STIM2: variants seen among roughly 807,000 people sequenced by gnomAD.
The protein encoded by STIM2 is stromal interaction molecule 2.
In STIM2, 31 loss-of-function variants were observed where a neutral mutation model predicts 85.8. The observed-to-expected ratio is 0.36, with a 90% CI of 0.27 to 0.49. STIM2 has a LOEUF of 0.49. Among genes scored for constraint, STIM2 ranks in the 20% least tolerant of loss-of-function variants. STIM2 has a pLI of 0.98. For missense variants in STIM2, 841 were observed against 927.6 expected (o/e 0.91, Z 1.21); for synonymous variants, 356 against 331.1 (o/e 1.08, Z -0.82).
chr4:27,019,682 A>AT (rs34654053), intron 11 of STIM2: 156,091 of 323,912 alleles, frequency 0.48, 24,433 homozygotes, highest in Non-Finnish European at 0.52. Flanking sequence ...ATATTTACTG[A>AT]TTTTTTTTTT....
chr4:27,015,142 A>T (rs1008998634), intron 10 of STIM2, among the ~76,000 whole-genome samples: 1 of 151,964 alleles, frequency 6.6e-6, no homozygotes, highest in Non-Finnish European at 1.5e-5. Context: ...ATTTAATCCA[A>T]ATATATTTAC....
intron 2 of STIM2, among the ~76,000 whole-genome samples, chr4:26,934,641 C>T (rs1366972595): frequency 2.0e-5 from 3 of 152,122 alleles, no homozygotes; most frequent in Non-Finnish European, 4.4e-5. Flanking sequence ...AGGCTAGGCG[C>T]GGTGGCTCAT....
At chr4:26,989,155 G>A (rs1197111506) in intron 3 of STIM2, among the ~76,000 whole-genome samples, 4 of 152,090 alleles carry the variant, frequency 2.6e-5, no homozygotes, top group South Asian at 2.1e-4. Flanking sequence ...GGCTGGTCTC[G>A]AACTCCTGTC....
At chr4:27,002,112 T>C in intron 5 of STIM2, 105 bp from the exon 6 acceptor site, 1 of 1,019,924 alleles carries the variant, frequency 9.8e-7, no homozygotes, top group Non-Finnish European at 1.4e-6. Flanking sequence ...GAAAGAGATC[T>C]CCAATTTTTG....
chr4:26,919,527 C>G lies in STIM2; in HGVS notation c.175C>G (p.Pro59Ala), dbSNP rs745586309. 1 of 1,613,472 alleles carries G rather than the reference C, an allele frequency of 6.2e-7. No individual in the cohort carries two copies. Among genetic ancestry groups the G allele is most frequent in the South Asian group, 1.1e-5 (1 of 91,050 alleles). The change falls in exon 2 of 12, where the codon CCA becomes GCA. Residue 59 changes from proline to alanine, a missense_variant. Around this residue, in one of 3 missense-constraint regions of STIM2, gnomAD observed 140 missense variants for 117.7 expected, o/e 1.19. Transcript: ENST00000467087. Reference sequence around the variant, plus strand: ...AGATCCCTGCATGTCACTGAGTCCACCATGCTTTACAGAAGAAGACAGATT... The same window carrying G: ...AGATCCCTGCATGTCACTGAGTCCAGCATGCTTTACAGAAGAAGACAGATT...
At position 26,918,228 on chromosome 4, in the gene STIM2, CTT is replaced by C. The variant is rs367780616; in HGVS notation, c.152-1259_152-1258del. Among the ~76,000 whole-genome samples, 31 of 130,486 alleles carry C rather than the reference CTT, an allele frequency of 2.4e-4. No individual in the cohort carries two copies. In the East Asian group the frequency reaches 3.4e-3, roughly 14 times the overall value. The allele number at this position is 130,486 out of a possible 152,430, so 85.6% of individuals were successfully genotyped here. ...AACATGTTAGGTAATATCAGTTTGA[CTT>C]TTTTTTTTTTTTTTTTAGAAAATAA... On this transcript the variant is annotated intron_variant, in intron 1 of 11. Coordinates refer to ENST00000467087, the MANE Select transcript of STIM2 (RefSeq NM_020860.4).
chr4:26,869,291 C>CCTGT (rs1722519755), intron 1 of STIM2, among the ~76,000 whole-genome samples: 2 of 136,646 alleles, frequency 1.5e-5, no homozygotes, highest in Non-Finnish European at 3.1e-5. Flanking sequence ...GGAGTGAGAC[C>CCTGT]CTGTCTCCAA....
intron 3 of STIM2, among the ~76,000 whole-genome samples, chr4:26,985,517 A>G (rs936030320): frequency 6.6e-6 from 1 of 152,230 alleles, no homozygotes; most frequent in Non-Finnish European, 1.5e-5. Flanking sequence ...ATAAGTTTTT[A>G]GCTTCTATCA....
chr4:26,936,032 C>T (rs1198387615), intron 2 of STIM2, among the ~76,000 whole-genome samples: 1 of 152,056 alleles, frequency 6.6e-6, no homozygotes, highest in African/African-American at 2.4e-5. Flanking sequence ...TACTATAAAG[C>T]AGGGTTGTAT....
At chr4:27,015,490 G>T (rs1319476209) in intron 10 of STIM2, among the ~76,000 whole-genome samples, 2 of 151,660 alleles carry the variant, frequency 1.3e-5, no homozygotes, top group Admixed American at 6.6e-5. Flanking sequence ...AGCTACTTCA[G>T]TGAGCAACTG....
chr4:26,992,011 C>T (rs1027444164), intron 3 of STIM2, among the ~76,000 whole-genome samples: 3 of 151,966 alleles, frequency 2.0e-5, no homozygotes, highest in Non-Finnish European at 4.4e-5. Context: ...TGTTGTTTAG[C>T]AACAGCATCT....
chr4:26,885,845 A>G (rs13105635), intron 1 of STIM2, among the ~76,000 whole-genome samples: 5 of 39,472 alleles, frequency 1.3e-4, no homozygotes, highest in East Asian at 1.0e-3. Flanking sequence ...ATATATATAT[A>G]TATATATATA....
At chr4:26,950,304 T>C (rs1181099016) in intron 2 of STIM2, among the ~76,000 whole-genome samples, 2 of 152,208 alleles carry the variant, frequency 1.3e-5, no homozygotes, top group African/African-American at 4.8e-5. Flanking sequence ...CTTATTGGTA[T>C]TATCTTATGT....
At chr4:27,018,861 C>T (rs1417271261) in intron 11 of STIM2, among the ~76,000 whole-genome samples, 2 of 152,198 alleles carry the variant, frequency 1.3e-5, no homozygotes, top group Non-Finnish European at 1.5e-5. Flanking sequence ...TTTGTTGTCA[C>T]TTAATGATTT....
At chr4:26,863,464 A>C (rs73811393) in intron 1 of STIM2, among the ~76,000 whole-genome samples, 16 of 152,132 alleles carry the variant, frequency 1.1e-4, no homozygotes, top group Non-Finnish European at 1.8e-4. Flanking sequence ...CTGAAAATCT[A>C]TGATGAAGTT....
intron 1 of STIM2, chr4:26,874,159 A>ATAGTCATAAAT: frequency 2.0e-6 from 1 of 509,646 alleles, no homozygotes. Flanking sequence ...GGGTCTCCCC[A>ATAGTCATAAAT]GAGATTGAGG....
chr4:26,955,292 G>A (rs1726204927), intron 2 of STIM2, among the ~76,000 whole-genome samples: 1 of 147,698 alleles, frequency 6.8e-6, no homozygotes, highest in Admixed American at 6.7e-5. Context: ...TATTGATCCT[G>A]AAATCACAGA....
At position 27,017,919 on chromosome 4, in the gene STIM2, T is replaced by C; in HGVS notation, c.1698T>C (p.Ser566=). The change falls in exon 11 of 12, where the codon AGT becomes AGC. Residue 566 remains serine, a synonymous_variant. Transcript: ENST00000467087. ...ATCCAGATATCCTCTCAGTGTCAAG[T>C]TGCCCTGCGCTTTATCGAAATGAAG... is the stretch of plus-strand genomic sequence containing the variant. The C allele has an allele frequency of 6.2e-7, 1 of 1,614,170 alleles. No homozygotes were observed. Among genetic ancestry groups the C allele is most frequent in the Non-Finnish European group, 8.5e-7 (1 of 1,180,036 alleles).
At chr4:26,887,992 AT>A (rs1390413107) in intron 1 of STIM2, among the ~76,000 whole-genome samples, 1 of 152,190 alleles carries the variant, frequency 6.6e-6, no homozygotes, top group Non-Finnish European at 1.5e-5. Context: ...GGGGCAGAAT[AT>A]TTCTTTCTCA....
Sources: gnomAD v4.1 joint callset for allele counts (sites outside exome capture counted in the v4.1 genomes callset) on GRCh38, gnomAD v4.1.1 for gene constraint, gnomAD v4.1.1 regional missense constraint, MANE v1.5 for transcripts, NCBI Gene and HGNC (gene_info 2026-07-23, HGNC 2026-07-21) for gene names.